Variants in PCDHGA4 observed in about 807,000 individuals in gnomAD.
PCDHGA4 encodes the protein protocadherin gamma-A4.
Under a neutral mutation model 54.6 loss-of-function variants are expected in PCDHGA4, and 38 were observed. The observed-to-expected ratio is 0.70, with a 90% CI of 0.54 to 0.91. The LOEUF is 0.91. Ranked by LOEUF, PCDHGA4 falls within the 40% of genes least tolerant of loss-of-function variation. The pLI is 0.00. For missense variants in PCDHGA4, 1,298 were observed against 1,220.9 expected (o/e 1.06, Z -0.94); for synonymous variants, 511 against 512.9 (o/e 1.00, Z 0.05).
rs1177814811 is a variant in PCDHGA4 at position 141,511,841 on chromosome 5, CTGTTT to C, written c.*675_*679del. The C allele has an allele frequency of 3.2e-5, 5 of 156,826 alleles. No homozygotes were observed. Among genetic ancestry groups the C allele is most frequent in the African/African-American group, 4.8e-5 (2 of 41,458 alleles). The allele number at this position is 156,826 out of a possible 1,614,324, so 9.7% of individuals were successfully genotyped here. ...TCCCAACGCCCTGGGGACCAGTCTT[CTGTTT>C]TGTTTTTCATTGTTTGACGTTTCCA... On this transcript the variant is annotated 3_prime_UTR_variant, in exon 4 of 4. Coordinates refer to ENST00000571252, the MANE Select transcript of PCDHGA4 (RefSeq NM_018917.4).
At chr5:141,357,941 ACAC>A (rs1447440332) in intron 1 of PCDHGA4, among the ~76,000 whole-genome samples, 4 of 152,096 alleles carry the variant, frequency 2.6e-5, no homozygotes. Flanking sequence ...TGTAATCCTA[ACAC>A]TTTGGGAGTG....
chr5:141,475,527 C>G (rs1462406655), intron 1 of PCDHGA4, among the ~76,000 whole-genome samples: 2 of 152,172 alleles, frequency 1.3e-5, no homozygotes, highest in African/African-American at 2.4e-5. Context: ...ATGCTAAATG[C>G]CTCCTTACAA....
chr5:141,379,889 C>CTTTTTTTTTTTTTTTTTTTTTTTTTTTT lies in PCDHGA4; in HGVS notation c.2514+22271_2514+22298dup, dbSNP rs70988800. On this transcript the variant is annotated intron_variant, in intron 1 of 3. Transcript: ENST00000571252. The stretch of plus-strand genomic sequence containing the variant: ...CTTATTTTATGGTCTGTGAAAGCCT[C>CTTTTTTTTTTTTTTTTTTTTTTTTTTTT]TTTTTTTTTTTTTTTTTTTTTTTTT... Among the ~76,000 whole-genome samples the CTTTTTTTTTTTTTTTTTTTTTTTTTTTT allele has an allele frequency of 5.5e-4, 28 of 50,832 alleles. 8 individuals are homozygous for CTTTTTTTTTTTTTTTTTTTTTTTTTTTT. The highest frequency in any genetic ancestry group is 7.7e-4 in the Non-Finnish European group (20 of 25,882). 33.3% of individuals were successfully genotyped at this position (50,832 alleles called of 152,430 possible). A position where few individuals can be genotyped will look rare whatever the true frequency, so the allele number is the denominator to read the frequency against.
At chr5:141,394,482 G>A in intron 1 of PCDHGA4, 1 of 1,614,240 alleles carries the variant, frequency 6.2e-7, no homozygotes, top group Non-Finnish European at 8.5e-7. Context: ...GGACCAGAAT[G>A]ACAACGCGCC....
In PCDHGA4 at chr5:141,389,878, G is replaced by A. The variant is rs1369885786; in HGVS notation, c.2514+32257G>A. On this transcript the variant is annotated intron_variant, in intron 1 of 3. Coordinates refer to ENST00000571252, the MANE Select transcript of PCDHGA4 (RefSeq NM_018917.4). ...ACGTTGCACCTGGTCTTCGCCGACA[G>A]CTTGCAGGAGGTGCTGCCGGATATC... The A allele has an allele frequency of 6.2e-7, 1 of 1,613,972 alleles. No individual in the cohort carries two copies. The highest frequency in any genetic ancestry group is 1.3e-5 in the African/African-American group (1 of 74,952).
chr5:141,361,408 AC>A (rs1561523484), intron 1 of PCDHGA4: 1 of 1,614,054 alleles, frequency 6.2e-7, no homozygotes. Context: ...CATCACAGCC[AC>A]CGACGGGGGC....
chr5:141,374,303 C>G (rs373167574), intron 1 of PCDHGA4: 2 of 1,613,938 alleles, frequency 1.2e-6, no homozygotes, highest in Admixed American at 1.7e-5. Context: ...TAGGATGCAG[C>G]TTTTCTCTCT....
intron 1 of PCDHGA4, among the ~76,000 whole-genome samples, chr5:141,436,832 C>T (rs1242760381): frequency 6.6e-6 from 1 of 152,172 alleles, no homozygotes; most frequent in African/African-American, 2.4e-5. Flanking sequence ...ATCTTAAGTG[C>T]CTAGGCACAT....
intron 1 of PCDHGA4, chr5:141,413,221 G>A (rs1384304697): frequency 1.2e-6 from 2 of 1,613,452 alleles, no homozygotes; most frequent in East Asian, 2.2e-5. Flanking sequence ...GGATTGCAGC[G>A]GGCTGGTCCT....
At chr5:141,408,002 T>A in intron 1 of PCDHGA4, 1 of 908,258 alleles carries the variant, frequency 1.1e-6, no homozygotes, top group Non-Finnish European at 1.6e-6. Flanking sequence ...GGCCTGGGAT[T>A]CCCTGCGCAG....
intron 1 of PCDHGA4, among the ~76,000 whole-genome samples, chr5:141,454,239 A>T (rs1221886368): frequency 6.6e-6 from 1 of 152,200 alleles, no homozygotes; most frequent in Non-Finnish European, 1.5e-5. Context: ...GATGAAAAGG[A>T]TGAAGATGTC....
intron 1 of PCDHGA4, among the ~76,000 whole-genome samples, chr5:141,434,935 T>C (rs952530533): frequency 6.6e-6 from 1 of 151,788 alleles, no homozygotes; most frequent in Non-Finnish European, 1.5e-5. Flanking sequence ...TTTTATATAA[T>C]AGATATAATT....
Position 141,485,959 on chromosome 5 carries a change from C to A in PCDHGA4, c.2515-8848C>A, listed in dbSNP as rs758835557. The A allele has an allele frequency of 6.2e-7, 1 of 1,614,160 alleles. No homozygotes were observed. The highest frequency in any genetic ancestry group is 1.3e-5 in the African/African-American group (1 of 75,054). Reference sequence around the variant, plus strand: ...GCGCACCAGCGGGCATGGTGCTCATCCAGCTCAATGCCTCAGACCCGGACC... The same window carrying A: ...GCGCACCAGCGGGCATGGTGCTCATACAGCTCAATGCCTCAGACCCGGACC... On this transcript the variant is annotated intron_variant, in intron 1 of 3. Coordinates refer to ENST00000571252, the MANE Select transcript of PCDHGA4 (RefSeq NM_018917.4). The surrounding 1 kb of genome is among the most constrained non-coding windows in gnomAD (Gnocchi z 5.7).
intron 1 of PCDHGA4, among the ~76,000 whole-genome samples, chr5:141,429,326 T>A (rs571458414): frequency 6.6e-6 from 1 of 152,230 alleles, no homozygotes; most frequent in East Asian, 1.9e-4. Context: ...TTTTCTTTAA[T>A]CCATTAACTA....
chr5:141,399,538 T>G, intron 1 of PCDHGA4: 1 of 1,614,048 alleles, frequency 6.2e-7, no homozygotes, highest in Non-Finnish European at 8.5e-7. Context: ...CGCGCAAGTC[T>G]GCGCCTCGGA....
At chr5:141,394,303 AG>A in intron 1 of PCDHGA4, 2 of 1,613,924 alleles carry the variant, frequency 1.2e-6, no homozygotes, top group East Asian at 2.2e-5. Context: ...GACACGCTGC[AG>A]GGGGCGCCCC....
chr5:141,373,769 T>A (rs1466229132), intron 1 of PCDHGA4: 3 of 255,350 alleles, frequency 1.2e-5, no homozygotes, highest in Non-Finnish European at 2.2e-5. Flanking sequence ...ATGAGTGTCA[T>A]CTCTGCAGAT....
intron 1 of PCDHGA4, chr5:141,395,542 TTG>T (rs55729045): frequency 0.047 from 8,055 of 172,168 alleles, 192 homozygotes; most frequent in African/African-American, 0.072. Flanking sequence ...TTGCTATTGT[TTG>T]TGTGTGTGTG....
chr5:141,505,557 A>C (rs2099846692), intron 3 of PCDHGA4, 76 bp downstream of exon 3: 1 of 1,606,080 alleles, frequency 6.2e-7, no homozygotes, highest in Non-Finnish European at 8.5e-7. Flanking sequence ...CACCATGCCC[A>C]CGGACTGGAT....
Sources: allele counts gnomAD v4.1 joint callset (sites outside exome capture counted in the v4.1 genomes callset), GRCh38; gene constraint gnomAD v4.1.1; non-coding constraint Gnocchi (gnomAD v3.1); transcripts MANE v1.5; gene names NCBI Gene and HGNC (gene_info 2026-07-23, HGNC 2026-07-21).